Variants in DCTN2 observed in about 807,000 individuals in gnomAD.
DCTN2 encodes dynactin subunit 2.
DCTN2 carries 18 observed loss-of-function variants against 55.4 expected under a neutral mutation model. That is an observed-to-expected ratio of 0.32 (90% confidence interval 0.22 to 0.48). The LOEUF (loss-of-function observed/expected upper bound fraction) is 0.48, where lower values mean the gene tolerates loss of function less well. Ranked by LOEUF, DCTN2 falls within the 20% of genes least tolerant of loss-of-function variation. The pLI is 0.99. For missense variants in DCTN2, 390 were observed against 491.0 expected (o/e 0.79, Z 1.94); for synonymous variants, 168 against 185.2 (o/e 0.91, Z 0.76).
rs1337243890 is a variant in DCTN2 at position 57,532,658 on chromosome 12, T to G, written c.853-15A>C. On this transcript the variant is annotated splice_polypyrimidine_tract_variant and intron_variant, in intron 10 of 13. Transcript: ENST00000548249. The stretch of plus-strand genomic sequence containing the variant: ...CCCAGGACACTCTGAAAACACAGAT[T>G]TTAAGGTTGATAGGGCATCCAGGGC... 3.1e-6 allele frequency: 5 copies of G among 1,613,828 alleles called. No homozygotes were observed. Among genetic ancestry groups the G allele is most frequent in the Non-Finnish European group, 4.2e-6 (5 of 1,179,868 alleles).
At chr12:57,534,185 G>A in intron 6 of DCTN2, 88 bp from the exon 7 acceptor site, 2 of 1,528,808 alleles carry the variant, frequency 1.3e-6, no homozygotes, top group South Asian at 2.6e-5. Flanking sequence ...TCAGCATTAA[G>A]AAACATCTAA....
chr12:57,538,577 TG>T, intron 2 of DCTN2: 1 of 737,534 alleles, frequency 1.4e-6, no homozygotes, highest in Non-Finnish European at 2.5e-6. Flanking sequence ...GGAAAGGGAG[TG>T]GGGGAATGGG....
chr12:57,541,392 G>GT (rs1880680585), intron 2 of DCTN2: 2 of 1,599,316 alleles, frequency 1.3e-6, no homozygotes, highest in Non-Finnish European at 1.7e-6. Context: ...AGGCAAGGTG[G>GT]TGAGGAGGGA....
At chr12:57,546,901 C>G (rs1382428044) in intron 1 of DCTN2, 127 bp downstream of exon 1, 4 of 817,474 alleles carry the variant, frequency 4.9e-6, no homozygotes, top group Non-Finnish European at 6.6e-6. Flanking sequence ...GATCGGAGAA[C>G]GAGCGGCGGG....
At chr12:57,546,955 G>C in intron 1 of DCTN2, 73 bp downstream of exon 1, 1 of 1,184,324 alleles carries the variant, frequency 8.4e-7, no homozygotes, top group Non-Finnish European at 1.1e-6. Context: ...GGGGTCGCGG[G>C]CTGGTTTCTG....
chr12:57,536,057 C>T lies in DCTN2; in HGVS notation c.106-212G>A, dbSNP rs997660776. On this transcript the variant is annotated intron_variant, in intron 2 of 13. Coordinates refer to ENST00000548249, the MANE Select transcript of DCTN2 (RefSeq NM_001261413.2). Reference sequence around the variant, plus strand: ...AGCCTCAGTTGTATAAATATTAACACCCTCATTCAACTGGGAGCAGAGGGA... The same window carrying T: ...AGCCTCAGTTGTATAAATATTAACATCCTCATTCAACTGGGAGCAGAGGGA... The T allele has an allele frequency of 1.4e-5, 8 of 575,294 alleles. No homozygotes were observed. In the African/African-American group the frequency reaches 1.5e-4, roughly 11 times the overall value. The allele number at this position is 575,294 out of a possible 1,614,324, so 35.6% of individuals were successfully genotyped here. A position where few individuals can be genotyped will look rare whatever the true frequency, so the allele number is the denominator to read the frequency against.
At chr12:57,538,535 C>T (rs369579554) in intron 2 of DCTN2, 47 of 758,572 alleles carry the variant, frequency 6.2e-5, no homozygotes, top group Non-Finnish European at 9.2e-5. Context: ...CTTGTGGTTT[C>T]CCCAGAGGTG....
intron 2 of DCTN2, among the ~76,000 whole-genome samples, chr12:57,540,917 A>G (rs1880639885): frequency 1.3e-5 from 2 of 152,240 alleles, no homozygotes; most frequent in South Asian, 4.1e-4. Flanking sequence ...CCCAGAGATA[A>G]TCCACATACA....
rs115586908 is a variant in DCTN2, at chr12:57,535,011, C to T, written c.363+45G>A. 1.1e-3 allele frequency: 1,584 copies of T among 1,498,414 alleles called. 14 individuals are homozygous for T. The African/African-American group carries it at 0.019, about 18-fold the overall frequency. The allele number at this position is 1,498,414 out of a possible 1,614,324, so 92.8% of individuals were successfully genotyped here. ...TCTTCTTGCTTGAGGTCTTCCTCTA[C>T]TGTGTAAGTCACAGCAGAGAAGGGA... On this transcript the variant is annotated intron_variant, in intron 5 of 13. Coordinates refer to ENST00000548249, the MANE Select transcript of DCTN2 (RefSeq NM_001261413.2).
chr12:57,531,392 C>T (rs1236642184), intron 13 of DCTN2, among the ~76,000 whole-genome samples: 1 of 152,150 alleles, frequency 6.6e-6, no homozygotes, highest in Non-Finnish European at 1.5e-5. Flanking sequence ...TGGTGCGTGC[C>T]TGTAATCCCA....
intron 1 of DCTN2, among the ~76,000 whole-genome samples, chr12:57,546,356 C>T (rs1344766964): frequency 6.6e-6 from 1 of 152,050 alleles, no homozygotes; most frequent in Non-Finnish European, 1.5e-5. Flanking sequence ...AATCTAGAGG[C>T]GGGCAGGTCC....
rs1192528367 is a variant in DCTN2, at chr12:57,533,897, A to T, written c.669+56T>A. 3 of 1,511,370 alleles carry T rather than the reference A, an allele frequency of 2.0e-6. No individual in the cohort carries two copies. The East Asian group carries it at 7.1e-5, about 36-fold the overall frequency. The allele number at this position is 1,511,370 out of a possible 1,614,324, so 93.6% of individuals were successfully genotyped here. A position where few individuals can be genotyped will look rare whatever the true frequency, so the allele number is the denominator to read the frequency against. On this transcript the variant is annotated intron_variant, in intron 7 of 13. Transcript: ENST00000548249. ...CCTCTCCTTGGAGAGAGGCAGGAAA[A>T]TCTCTAGGGTCACATCTCCCCTTGG...
Position 57,538,708 on chromosome 12 carries a change from CA to C in DCTN2, c.106-2864del, listed in dbSNP as rs1220349476. On this transcript the variant is annotated intron_variant, in intron 2 of 13. Coordinates refer to ENST00000548249, the MANE Select transcript of DCTN2 (RefSeq NM_001261413.2). ...GGGGAGCCTAGCGAAATTTAGGGGC[CA>C]AGAAATTTCAGCTGGGGTCACCATA... 9.0e-5 allele frequency: 53 copies of C among 585,850 alleles called. No individual in the cohort carries two copies. In the East Asian group the frequency reaches 1.5e-3, roughly 17 times the overall value. 36.3% of individuals were successfully genotyped at this position (585,850 alleles called of 1,614,324 possible). A position where few individuals can be genotyped will look rare whatever the true frequency, so the allele number is the denominator to read the frequency against.
At chr12:57,546,441 G>A (rs1881165369) in intron 1 of DCTN2, among the ~76,000 whole-genome samples, 1 of 152,072 alleles carries the variant, frequency 6.6e-6, no homozygotes, top group African/African-American at 2.4e-5. Context: ...CCTGGCACAA[G>A]GATTGAGAGT....
intron 2 of DCTN2, chr12:57,542,793 TG>T (rs1880802992): frequency 9.0e-5 from 41 of 455,840 alleles, no homozygotes; most frequent in South Asian, 6.4e-4. Context: ...CACTCCAGCC[TG>T]GGGGAAAGAG....
chr12:57,544,170 T>C (rs1193892530), intron 2 of DCTN2: 4 of 447,838 alleles, frequency 8.9e-6, no homozygotes, highest in South Asian at 6.3e-5. Context: ...GCAGTAAAGT[T>C]CTCAGCATAC....
intron 2 of DCTN2, among the ~76,000 whole-genome samples, chr12:57,543,430 C>T (rs1880878531): frequency 1.3e-5 from 2 of 151,612 alleles, no homozygotes; most frequent in Admixed American, 1.3e-4. Context: ...GTCACTTGTA[C>T]TAGGTCTTGG....
intron 2 of DCTN2, chr12:57,543,951 C>G: frequency 1.9e-6 from 1 of 533,756 alleles, no homozygotes; most frequent in Middle Eastern, 3.1e-4. Context: ...GGTTCTTCCA[C>G]ACCTGGAATG....
chr12:57,537,362 GAA>G (rs56278180), intron 2 of DCTN2, among the ~76,000 whole-genome samples: 24 of 58,158 alleles, frequency 4.1e-4, no homozygotes, highest in African/African-American at 1.1e-3. Flanking sequence ...AGAGAGAAAA[GAA>G]AAAAAAAAAA....
Sources: gnomAD v4.1 joint callset for allele counts (sites outside exome capture counted in the v4.1 genomes callset) on GRCh38, gnomAD v4.1.1 for gene constraint, MANE v1.5 for transcripts, NCBI Gene and HGNC (gene_info 2026-07-23, HGNC 2026-07-21) for gene names.